The following METTL15 variants were observed in gnomAD, a reference collection of about 807,000 sequenced individuals.
The protein encoded by METTL15 is methyltransferase 15, mitochondrial 12S rRNA N4-cytidine.
Under a neutral mutation model 38.3 loss-of-function variants are expected in METTL15, and 34 were observed. That is an observed-to-expected ratio of 0.89 (90% CI 0.68 to 1.18). The LOEUF (loss-of-function observed/expected upper bound fraction) is 1.18, where lower values mean the gene tolerates loss of function less well. METTL15 is among the 50% of genes most tolerant of loss of function. METTL15 has a pLI of 0.00. For synonymous variants in METTL15, 162 were observed against 170.9 expected (o/e 0.95, Z 0.41); for missense variants, 438 against 498.4 (o/e 0.88, Z 1.15).
At chr11:28,362,281 A>G (rs1030384889) in intron 5 of METTL15, among the ~76,000 whole-genome samples, 2 of 152,212 alleles carry the variant, frequency 1.3e-5, no homozygotes, top group Non-Finnish European at 2.9e-5. Flanking sequence ...ATCACATATC[A>G]TATTGCATTG....
chr11:28,208,772 C>G (rs1852487103), intron 3 of METTL15, among the ~76,000 whole-genome samples: 1 of 151,882 alleles, frequency 6.6e-6, no homozygotes, highest in African/African-American at 2.4e-5. Flanking sequence ...AGATTTTAAA[C>G]TGTGGTCTTA....
chr11:28,198,280 C>T (rs976903115), intron 3 of METTL15, among the ~76,000 whole-genome samples: 1 of 151,912 alleles, frequency 6.6e-6, no homozygotes, highest in Non-Finnish European at 1.5e-5. Flanking sequence ...TTCTGTTGTA[C>T]GTGACTTGGA....
intron 5 of METTL15, among the ~76,000 whole-genome samples, chr11:28,374,353 T>A (rs1850281618): frequency 6.6e-6 from 1 of 152,098 alleles, no homozygotes. Context: ...AGCAGCGGTT[T>A]GTAGCTCTCC....
intron 4 of METTL15, among the ~76,000 whole-genome samples, chr11:28,267,366 C>T (rs1400615671): frequency 6.6e-6 from 1 of 152,072 alleles, no homozygotes; most frequent in Non-Finnish European, 1.5e-5. Context: ...TCTTCTCTCA[C>T]TTTTTCTCCC....
chr11:28,150,003 G>A (rs1030225255), intron 3 of METTL15, among the ~76,000 whole-genome samples: 1 of 151,846 alleles, frequency 6.6e-6, no homozygotes, highest in Non-Finnish European at 1.5e-5. Context: ...AGGGCCCAAT[G>A]TCGCTTCTTT....
At chr11:28,237,391 C>T (rs1228474715) in intron 4 of METTL15, among the ~76,000 whole-genome samples, 1 of 152,184 alleles carries the variant, frequency 6.6e-6, no homozygotes, top group African/African-American at 2.4e-5. Context: ...CAATTGATCG[C>T]ATTGGCTCTT....
intron 4 of METTL15, among the ~76,000 whole-genome samples, chr11:28,234,145 A>T (rs1472524230): frequency 1.3e-5 from 2 of 152,004 alleles, no homozygotes; most frequent in Non-Finnish European, 2.9e-5. Flanking sequence ...CATCATTTTT[A>T]ATGGCAGCGT....
Position 28,220,628 on chromosome 11 carries a change from C to T in METTL15, c.407+9430C>T, listed in dbSNP as rs1385231686. On this transcript the variant is annotated intron_variant, in intron 4 of 6. Transcript: ENST00000407364. ...TATGATGTTAGTTGGTTATTTGGCC[C>T]GTTAGTTGATGAAGTTTCTTCCTAG... 3.9e-5 allele frequency among the ~76,000 whole-genome samples: 6 copies of T among 152,112 alleles called. No individual in the cohort carries two copies. The East Asian group carries it at 9.7e-4, about 25-fold the overall frequency.
intron 3 of METTL15, chr11:28,144,758 G>A (rs1023315877): frequency 2.6e-5 from 4 of 152,680 alleles, no homozygotes; most frequent in Non-Finnish European, 2.9e-5. Flanking sequence ...AACATTTTAT[G>A]TCCTTTCTTT....
At chr11:28,342,016 A>AG (rs1176914696) in intron 3 of METTL15, among the ~76,000 whole-genome samples, 1 of 152,170 alleles carries the variant, frequency 6.6e-6, no homozygotes, top group East Asian at 1.9e-4. Flanking sequence ...TCATGAGAAA[A>AG]GGGGATTTCT....
intron 6 of METTL15, among the ~76,000 whole-genome samples, chr11:28,500,948 G>C (rs1851577621): frequency 1.3e-5 from 2 of 152,202 alleles, no homozygotes; most frequent in South Asian, 4.1e-4. Context: ...TTTAGGTTCT[G>C]ACACCCTATT....
chr11:28,529,630 G>A (rs1186490061), downstream of METTL15, among the ~76,000 whole-genome samples: 8 of 148,626 alleles, frequency 5.4e-5, no homozygotes, highest in Non-Finnish European at 1.0e-4. Flanking sequence ...GTAGGAATAT[G>A]GGAGGAGTGG....
intron 6 of METTL15, among the ~76,000 whole-genome samples, chr11:28,446,215 A>G (rs575532509): frequency 3.3e-5 from 5 of 152,184 alleles, no homozygotes; most frequent in South Asian, 2.1e-4. Context: ...GCTCCCATCA[A>G]TGGACTGACA....
At chr11:28,308,934 A>AGATG (rs957251043) in intron 6 of METTL15, among the ~76,000 whole-genome samples, 8 of 151,964 alleles carry the variant, frequency 5.3e-5, no homozygotes, top group Non-Finnish European at 1.0e-4. Flanking sequence ...ATAGATAGAT[A>AGATG]GGCAGGCAGG....
intron 4 of METTL15, among the ~76,000 whole-genome samples, chr11:28,212,474 A>G (rs926193566): frequency 4.5e-4 from 68 of 152,136 alleles, no homozygotes; most frequent in Non-Finnish European, 1.0e-4. Context: ...ACATTCATGA[A>G]GTATAGGCCT....
chr11:28,382,173 A>G (rs1443488976), intron 5 of METTL15, among the ~76,000 whole-genome samples: 3 of 152,130 alleles, frequency 2.0e-5, no homozygotes, highest in Admixed American at 2.0e-4. Context: ...GCCCATTCCA[A>G]ATGGTTGGCT....
At chr11:28,439,606 G>A (rs957710873) in intron 6 of METTL15, among the ~76,000 whole-genome samples, 1 of 152,118 alleles carries the variant, frequency 6.6e-6, no homozygotes, top group Non-Finnish European at 1.5e-5. Flanking sequence ...CCCAATGCGG[G>A]GTGGAGGAGA....
intron 3 of METTL15, among the ~76,000 whole-genome samples, chr11:28,135,226 C>G (rs1028105422): frequency 6.6e-6 from 1 of 152,092 alleles, no homozygotes; most frequent in African/African-American, 2.4e-5. Flanking sequence ...GAGTTGTTGG[C>G]AAAATAAACT....
chr11:28,481,636 C>G (rs373735806), intron 6 of METTL15, among the ~76,000 whole-genome samples: 2 of 152,146 alleles, frequency 1.3e-5, no homozygotes, highest in African/African-American at 4.8e-5. Context: ...AAGCGGCCAG[C>G]AGGATCACAT....
Sources: gnomAD v4.1 joint callset for allele counts (sites outside exome capture counted in the v4.1 genomes callset) on GRCh38, gnomAD v4.1.1 for gene constraint, MANE v1.5 for transcripts, NCBI Gene and HGNC (gene_info 2026-07-23, HGNC 2026-07-21) for gene names.